The following RBM6 variants were observed in gnomAD, a reference collection of about 807,000 sequenced individuals.
The protein encoded by RBM6 is RNA-binding protein 6.
Under a neutral mutation model 140.4 loss-of-function variants are expected in RBM6, and 23 were observed. The ratio of observed to expected loss-of-function variants is 0.16; its 90% confidence interval spans 0.12 to 0.23. RBM6 has a LOEUF of 0.23. Ranked by LOEUF, RBM6 falls within the 10% of genes least tolerant of loss-of-function variation. The pLI, the probability that RBM6 is intolerant of heterozygous loss-of-function variation, is 1.00. For synonymous variants in RBM6, 439 were observed against 475.6 expected, an observed-to-expected ratio of 0.92 and a Z score of 1.00; for missense variants, 1,139 against 1,386.7, an observed-to-expected ratio of 0.82 and a Z score of 2.84.
At chr3:50,067,541 T>C (rs2090161583) in intron 17 of RBM6, among the ~76,000 whole-genome samples, 1 of 152,240 alleles carries the variant, frequency 6.6e-6, no homozygotes, top group African/African-American at 2.4e-5. Context: ...GCTCTGACAG[T>C]GTGCAGTTTT....
chr3:50,007,266 G>T lies in RBM6; in HGVS notation c.1557+7753G>T, dbSNP rs184241056. 6.8e-3 allele frequency among the ~76,000 whole-genome samples: 1,018 copies of T among 149,538 alleles called. 4 individuals are homozygous for T. Among genetic ancestry groups the T allele is most frequent in the Non-Finnish European group, 0.011 (732 of 67,480 alleles). On this transcript the variant is annotated intron_variant, in intron 6 of 20. Coordinates refer to ENST00000266022, the MANE Select transcript of RBM6 (RefSeq NM_005777.3). ...GGCTGGAGTGCAGTGGTGCGATCTC[G>T]GCTCACTGCAACCTCCGTTTTTGGG...
rs559845548 is a variant in RBM6, at chr3:50,035,660, C to T, written c.1558-12585C>T. Among the ~76,000 whole-genome samples the T allele has an allele frequency of 4.0e-4, 61 of 151,578 alleles. No individual in the cohort carries two copies. In the East Asian group the frequency reaches 0.011, roughly 27 times the overall value. ...TCATGCCATTGCACTCCAGCCTGGT[C>T]GACAGAGCCAGACTCCGTCTCAAAA... On this transcript the variant is annotated intron_variant, in intron 6 of 20. Transcript: ENST00000266022.
At chr3:49,999,622 T>G in intron 6 of RBM6, 109 bp downstream of exon 6, 1 of 924,924 alleles carries the variant, frequency 1.1e-6, no homozygotes, top group Non-Finnish European at 1.8e-6. Context: ...AGTCTATCTG[T>G]GGAGCATACT....
intron 5 of RBM6, among the ~76,000 whole-genome samples, chr3:49,976,319 A>G (rs1008146762): frequency 6.6e-6 from 1 of 152,216 alleles, no homozygotes; most frequent in Non-Finnish European, 1.5e-5. Context: ...CTGCAGAGGA[A>G]AATTATCCAC....
intron 6 of RBM6, among the ~76,000 whole-genome samples, chr3:50,030,657 C>G (rs772411015): frequency 2.0e-5 from 3 of 152,192 alleles, no homozygotes; most frequent in Non-Finnish European, 4.4e-5. Context: ...TTATTTCTCT[C>G]TAATGCAAAT....
chr3:49,961,929 G>C (rs2084299270), intron 1 of RBM6, among the ~76,000 whole-genome samples: 1 of 152,084 alleles, frequency 6.6e-6, no homozygotes, highest in African/African-American at 2.4e-5. Flanking sequence ...GCCGAGGCGG[G>C]CGGACTGCTT....
At chr3:50,031,044 A>G (rs1364984766) in intron 6 of RBM6, among the ~76,000 whole-genome samples, 3 of 152,202 alleles carry the variant, frequency 2.0e-5, no homozygotes, top group African/African-American at 7.2e-5. Flanking sequence ...TGTATCTCAC[A>G]CCAGTTAGAA....
chr3:50,076,536 C>G (rs1478448978), intron 20 of RBM6, among the ~76,000 whole-genome samples: 1 of 151,388 alleles, frequency 6.6e-6, no homozygotes, highest in East Asian at 2.0e-4. Flanking sequence ...GAGCCAAGAT[C>G]TTGATCGTGC....
intron 5 of RBM6, among the ~76,000 whole-genome samples, chr3:49,986,059 C>A (rs2085541179): frequency 6.6e-6 from 1 of 151,720 alleles, no homozygotes; most frequent in South Asian, 2.1e-4. Flanking sequence ...GGTCTTGGTT[C>A]ACTGGCAACC....
intron 6 of RBM6, among the ~76,000 whole-genome samples, chr3:50,036,944 G>C (rs12486808): frequency 0.079 from 12,010 of 152,068 alleles, 527 homozygotes; most frequent in African/African-American, 0.1. Flanking sequence ...ACCATGCCCA[G>C]CTAATTTTTT....
intron 6 of RBM6, among the ~76,000 whole-genome samples, chr3:50,012,738 CTTT>C (rs1354297345): frequency 1.7e-5 from 2 of 120,840 alleles, no homozygotes; most frequent in African/African-American, 3.6e-5. Flanking sequence ...TAGATTCTAC[CTTT>C]TTTTTTTTTT....
At chr3:49,977,625 C>T (rs1367570596) in intron 5 of RBM6, among the ~76,000 whole-genome samples, 1 of 152,140 alleles carries the variant, frequency 6.6e-6, no homozygotes, top group Non-Finnish European at 1.5e-5. Flanking sequence ...GCTTGACACT[C>T]GGTAGGTTCC....
At chr3:49,983,630 G>T (rs1238601901) in intron 5 of RBM6, among the ~76,000 whole-genome samples, 1 of 152,168 alleles carries the variant, frequency 6.6e-6, no homozygotes, top group Non-Finnish European at 1.5e-5. Context: ...AAAAGATGAC[G>T]ATAGGCTGAT....
At chr3:50,060,832 C>G in intron 11 of RBM6, 124 bp from the exon 12 acceptor site, 1 of 825,066 alleles carries the variant, frequency 1.2e-6, no homozygotes, top group East Asian at 3.2e-5. Context: ...TGCTTGCTGT[C>G]TAGGTTGGTT....
At chr3:49,946,848 G>GTT (rs778856917) in intron 1 of RBM6, among the ~76,000 whole-genome samples, 3 of 139,822 alleles carry the variant, frequency 2.1e-5, no homozygotes, top group Non-Finnish European at 1.6e-5. Flanking sequence ...TTTCTGTTTC[G>GTT]TTTTTTTTTT....
intron 1 of RBM6, among the ~76,000 whole-genome samples, chr3:49,945,366 G>C (rs141789705): frequency 1.3e-5 from 2 of 151,870 alleles, no homozygotes; most frequent in Non-Finnish European, 2.9e-5. Context: ...TTTTGTAGCT[G>C]TGGGATTTCG....
rs374211115 is a variant in RBM6 at position 49,956,916 on chromosome 3, C to T, written c.-66-5660C>T. 3.8e-3 allele frequency among the ~76,000 whole-genome samples: 579 copies of T among 150,414 alleles called. 35 individuals are homozygous for T. In the South Asian group the frequency reaches 0.11, roughly 30 times the overall value. On this transcript the variant is annotated intron_variant, in intron 1 of 20. Coordinates refer to ENST00000266022, the MANE Select transcript of RBM6 (RefSeq NM_005777.3). ...CAGACCTCAGGTGATCCTCCCGCCT[C>T]GGCCTCCCAAAGTGCTGGGATTACA... is the stretch of plus-strand genomic sequence containing the variant.
At chr3:50,074,094 G>A (rs1169378493) in intron 19 of RBM6, among the ~76,000 whole-genome samples, 2 of 152,198 alleles carry the variant, frequency 1.3e-5, no homozygotes, top group Admixed American at 6.5e-5. Context: ...CTCCCAAAGT[G>A]CTGGGATTAC....
intron 19 of RBM6, 58 bp downstream of exon 19, chr3:50,070,610 C>T: frequency 8.4e-7 from 1 of 1,188,820 alleles, no homozygotes; most frequent in South Asian, 1.2e-5. Context: ...AAACCACCTC[C>T]TCCTTCAACT....
Sources: gnomAD v4.1 joint callset for allele counts (sites outside exome capture counted in the v4.1 genomes callset) on GRCh38, gnomAD v4.1.1 for gene constraint, MANE v1.5 for transcripts, NCBI Gene and HGNC (gene_info 2026-07-23, HGNC 2026-07-21) for gene names.